The following FHIT variants were observed in gnomAD, a reference collection of about 807,000 sequenced individuals.
The protein encoded by FHIT is fragile histidine triad diadenosine triphosphatase.
FHIT carries 19 observed loss-of-function variants against 17.9 expected under a neutral mutation model. That is an observed-to-expected ratio of 1.06 (90% CI 0.74 to 1.56). FHIT has a LOEUF of 1.56. FHIT is among the 40% of genes most tolerant of loss of function. The pLI is 0.00. For synonymous variants in FHIT, 81 were observed against 69.7 expected (o/e 1.16, Z -0.81); for missense variants, 248 against 189.2 (o/e 1.31, Z -1.82).
intron 5 of FHIT, among the ~76,000 whole-genome samples, chr3:60,414,730 G>C (rs191496904): frequency 6.6e-6 from 1 of 152,254 alleles, no homozygotes; most frequent in East Asian, 1.9e-4. Context: ...TTCAAACATA[G>C]AGCGTTCTGA....
At chr3:60,587,848 G>T (rs1299262681) in intron 4 of FHIT, among the ~76,000 whole-genome samples, 10 of 152,098 alleles carry the variant, frequency 6.6e-5, no homozygotes, top group Admixed American at 6.6e-4. Context: ...CACAGACTTG[G>T]CACAGAGAAG....
chr3:60,442,257 T>G (rs2030951357), intron 5 of FHIT, among the ~76,000 whole-genome samples: 1 of 152,092 alleles, frequency 6.6e-6, no homozygotes, highest in Non-Finnish European at 1.5e-5. Flanking sequence ...GGTTCCTGAT[T>G]CATCCTCCTA....
chr3:60,408,344 C>G (rs1236094274), intron 5 of FHIT, among the ~76,000 whole-genome samples: 3 of 152,154 alleles, frequency 2.0e-5, no homozygotes, highest in Non-Finnish European at 2.9e-5. Flanking sequence ...TCAGACCCCT[C>G]CTGCAACTCC....
intron 3 of FHIT, among the ~76,000 whole-genome samples, chr3:60,916,815 C>T (rs1217862724): frequency 6.6e-6 from 1 of 152,066 alleles, no homozygotes; most frequent in African/African-American, 2.4e-5. Flanking sequence ...GTGACGACAG[C>T]TATAATAGCA....
intron 5 of FHIT, among the ~76,000 whole-genome samples, chr3:60,029,907 G>GTGTGTGTGTGTGTC (rs1700926927): frequency 1.5e-5 from 2 of 132,546 alleles, no homozygotes; most frequent in African/African-American, 6.5e-5. Flanking sequence ...CTGTGTGTGT[G>GTGTGTGTGTGTGTC]TGTGTGTGTG....
chr3:59,812,053 A>G (rs1283268652), intron 8 of FHIT, among the ~76,000 whole-genome samples: 1 of 152,110 alleles, frequency 6.6e-6, no homozygotes, highest in Non-Finnish European at 1.5e-5. Context: ...TTCTGCCCCC[A>G]GGGGATACTT....
At chr3:60,519,090 C>G (rs2035265575) in intron 5 of FHIT, among the ~76,000 whole-genome samples, 1 of 152,062 alleles carries the variant, frequency 6.6e-6, no homozygotes. Flanking sequence ...AAGTGTTTCT[C>G]TTTTTCAAGA....
chr3:60,831,788 A>G (rs1289072854), intron 3 of FHIT, among the ~76,000 whole-genome samples: 2 of 152,162 alleles, frequency 1.3e-5, no homozygotes, highest in African/African-American at 4.8e-5. Flanking sequence ...TTAGGATTCA[A>G]ACACGATTTT....
intron 5 of FHIT, among the ~76,000 whole-genome samples, chr3:60,352,121 A>T (rs1188919310): frequency 6.6e-6 from 1 of 152,188 alleles, no homozygotes; most frequent in African/African-American, 2.4e-5. Context: ...TGCCTTGCTC[A>T]TAGAAGGCCC....
chr3:60,658,347 G>A (rs2040164710), intron 4 of FHIT, among the ~76,000 whole-genome samples: 1 of 152,002 alleles, frequency 6.6e-6, no homozygotes, highest in African/African-American at 2.4e-5. Context: ...ACACCTTACA[G>A]TTTTTTTCTG....
At chr3:60,222,641 T>C (rs1704015016) in intron 5 of FHIT, among the ~76,000 whole-genome samples, 1 of 152,086 alleles carries the variant, frequency 6.6e-6, no homozygotes, top group African/African-American at 2.4e-5. Flanking sequence ...ATACAAAAAT[T>C]AGCTGGGTTA....
At chr3:60,027,774 G>A (rs60376328) in intron 5 of FHIT, among the ~76,000 whole-genome samples, 1,742 of 151,142 alleles carry the variant, frequency 0.012, 29 homozygotes, top group African/African-American at 0.04. Context: ...TGGATTTTCA[G>A]TGTTATTGAT....
intron 5 of FHIT, among the ~76,000 whole-genome samples, chr3:60,163,094 T>A (rs1482737565): frequency 2.6e-5 from 4 of 151,974 alleles, no homozygotes; most frequent in Non-Finnish European, 5.9e-5. Flanking sequence ...GAGGGGAAGT[T>A]CTGCAAAAGA....
chr3:60,703,264 C>T (rs781451489), intron 4 of FHIT, among the ~76,000 whole-genome samples: 8 of 152,294 alleles, frequency 5.3e-5, no homozygotes, highest in Admixed American at 3.3e-4. Flanking sequence ...AGGGCCACCC[C>T]TTAGAGCCTT....
At chr3:60,426,800 T>C (rs1045631810) in intron 5 of FHIT, among the ~76,000 whole-genome samples, 2 of 152,146 alleles carry the variant, frequency 1.3e-5, no homozygotes, top group Non-Finnish European at 2.9e-5. Flanking sequence ...TGCAGTAGCA[T>C]GTTCAATTAA....
At chr3:60,146,851 T>G (rs983816336) in intron 5 of FHIT, among the ~76,000 whole-genome samples, 2 of 152,104 alleles carry the variant, frequency 1.3e-5, no homozygotes, top group Admixed American at 6.6e-5. Context: ...AACAAAAGCT[T>G]AAGATCCAAG....
intron 3 of FHIT, among the ~76,000 whole-genome samples, chr3:60,838,682 T>C (rs1702616651): frequency 6.6e-6 from 1 of 152,012 alleles, no homozygotes; most frequent in African/African-American, 2.4e-5. Flanking sequence ...AAATAATACA[T>C]GTAGGAAGAG....
In FHIT at chr3:60,096,139, G is replaced by A. The variant is rs566639946; in HGVS notation, c.104-81987C>T. 7.2e-5 allele frequency among the ~76,000 whole-genome samples: 11 copies of A among 152,244 alleles called. No homozygotes were observed. The East Asian group carries it at 7.7e-4, about 11-fold the overall frequency. ...AGGAGATGGCCCGCCCACTTAGCCC[G>A]CTCAGGCCGAGTCTGACTTGCACAC... is the stretch of plus-strand genomic sequence containing the variant. On this transcript the variant is annotated intron_variant, in intron 5 of 9. Coordinates refer to ENST00000492590, the MANE Select transcript of FHIT (RefSeq NM_002012.4).
intron 2 of FHIT, among the ~76,000 whole-genome samples, chr3:61,198,951 G>C (rs1272893121): frequency 6.6e-6 from 1 of 152,144 alleles, no homozygotes; most frequent in Non-Finnish European, 1.5e-5. Context: ...AATAAGAGCA[G>C]TGGCAGCTCA....
Sources: allele counts gnomAD v4.1 joint callset (sites outside exome capture counted in the v4.1 genomes callset), GRCh38; gene constraint gnomAD v4.1.1; transcripts MANE v1.5; gene names NCBI Gene and HGNC (gene_info 2026-07-23, HGNC 2026-07-21).